The following LRPPRC variants were observed in gnomAD, a reference collection of about 807,000 sequenced individuals.
LRPPRC encodes leucine-rich PPR motif-containing protein, mitochondrial.
Under a neutral mutation model 180.3 loss-of-function variants are expected in LRPPRC, and 120 were observed. The observed-to-expected ratio is 0.67, with a 90% CI of 0.57 to 0.77. The LOEUF is 0.77. Ranked by LOEUF, LRPPRC falls within the 30% of genes least tolerant of loss-of-function variation. The pLI, the probability that LRPPRC is intolerant of heterozygous loss-of-function variation, is 0.00. For missense variants in LRPPRC, 2,012 were observed against 1,657.2 expected, an observed-to-expected ratio of 1.21 and a Z score of -3.72; for synonymous variants, 723 against 600.0, an observed-to-expected ratio of 1.21 and a Z score of -3.00.
At chr2:43,890,198 T>G (rs375317427) in intron 36 of LRPPRC, 30 of 408,872 alleles carry the variant, frequency 7.3e-5, no homozygotes, top group Admixed American at 5.8e-4. Context: ...CAAACTGAAG[T>G]CCTCAGTTAT....
At chr2:43,897,501 T>G (rs1251887841) in intron 34 of LRPPRC, among the ~76,000 whole-genome samples, 1 of 152,216 alleles carries the variant, frequency 6.6e-6, no homozygotes, top group Non-Finnish European at 1.5e-5. Flanking sequence ...ACAGAACATT[T>G]ACATTACGCA....
At chr2:43,946,384 C>G (rs1572953568) in intron 20 of LRPPRC, 141 bp from the exon 21 acceptor site, 3 of 677,582 alleles carry the variant, frequency 4.4e-6, no homozygotes, top group Admixed American at 2.2e-5. Context: ...CCTGACTCTG[C>G]CCCTTGATAT....
chr2:43,969,818 GA>G (rs1401189981), intron 11 of LRPPRC, among the ~76,000 whole-genome samples: 1 of 151,998 alleles, frequency 6.6e-6, no homozygotes, highest in African/African-American at 2.4e-5. Context: ...AAGCAGCTAG[GA>G]GTATGCCACC....
intron 27 of LRPPRC, among the ~76,000 whole-genome samples, chr2:43,923,093 G>T (rs1300643554): frequency 2.8e-5 from 4 of 142,032 alleles, no homozygotes; most frequent in Non-Finnish European, 4.5e-5. Flanking sequence ...TTAAGGACAA[G>T]AAAATAGTAT....
rs559382465 is a variant in LRPPRC, at chr2:43,980,119, G to C, written c.347-171C>G. ...AATGTACAGTGTTACTAAGTTACAAGTCAAACTTTAAATATTAGTCTGCTT... is the reference window on the plus strand; with the variant it reads ...AATGTACAGTGTTACTAAGTTACAACTCAAACTTTAAATATTAGTCTGCTT... On this transcript the variant is annotated intron_variant, in intron 2 of 37. Coordinates refer to ENST00000260665, the MANE Select transcript of LRPPRC (RefSeq NM_133259.4). 4.6e-5 allele frequency among the ~76,000 whole-genome samples: 7 copies of C among 152,248 alleles called. No individual in the cohort carries two copies. The South Asian group carries it at 1.5e-3, about 32-fold the overall frequency.
intron 11 of LRPPRC, among the ~76,000 whole-genome samples, chr2:43,973,402 T>C (rs916595247): frequency 1.3e-5 from 2 of 152,184 alleles, no homozygotes; most frequent in Non-Finnish European, 2.9e-5. Context: ...GAAATGAAAT[T>C]AATGAAATTC....
rs1188493361 is a variant in LRPPRC, at chr2:43,922,995, A to G, written c.2896+2072T>C. ...CTTCCAGCCTCCTAAGAAGCTAACC[A>G]CACTCTGCCAACCTCCTCAAACTAT... On this transcript the variant is annotated intron_variant, in intron 27 of 37. Transcript: ENST00000260665. 2.0e-5 allele frequency among the ~76,000 whole-genome samples: 3 copies of G among 152,094 alleles called. No homozygotes were observed. In the East Asian group the frequency reaches 5.8e-4, roughly 29 times the overall value.
At chr2:43,984,553 G>A (rs1674445260) in intron 1 of LRPPRC, among the ~76,000 whole-genome samples, 2 of 152,164 alleles carry the variant, frequency 1.3e-5, no homozygotes, top group Non-Finnish European at 2.9e-5. Flanking sequence ...AATAAATTGG[G>A]ATAGAGGAAG....
At chr2:43,915,576 TGA>T (rs954846711) in intron 29 of LRPPRC, among the ~76,000 whole-genome samples, 15 of 151,964 alleles carry the variant, frequency 9.9e-5, no homozygotes, top group African/African-American at 3.6e-4. Flanking sequence ...CCCAGCTACT[TGA>T]GAGGCTGAGA....
chr2:43,980,046 C>T, intron 2 of LRPPRC, 98 bp from the exon 3 acceptor site: 1 of 1,211,488 alleles, frequency 8.3e-7, no homozygotes, highest in Non-Finnish European at 1.2e-6. Flanking sequence ...ATTCAAAAAT[C>T]TTCTGGCTCA....
intron 14 of LRPPRC, among the ~76,000 whole-genome samples, chr2:43,956,478 CGTGTGTGTGTGTGTGTGTGTGTGT>C (rs56919652): frequency 3.5e-5 from 5 of 142,490 alleles, no homozygotes; most frequent in African/African-American, 1.3e-4. Flanking sequence ...AAGAAAAAAA[CGTGTGTGTGTGTGTGTGTGTGTGT>C]GTGTGTGTGT....
At chr2:43,928,472 C>T (rs2105047691) in intron 25 of LRPPRC, among the ~76,000 whole-genome samples, 1 of 152,236 alleles carries the variant, frequency 6.6e-6, no homozygotes, top group South Asian at 2.1e-4. Flanking sequence ...TTTCTTGCCA[C>T]TTCTGCTGGA....
At chr2:43,904,952 T>C (rs4550712) in intron 31 of LRPPRC, among the ~76,000 whole-genome samples, 21,548 of 152,078 alleles carry the variant, frequency 0.14, 2,224 homozygotes, top group East Asian at 0.48. Context: ...AGATTCGTCA[T>C]AGTGCCCCTT....
At chr2:43,978,832 ATTC>A (rs1674173760) in intron 3 of LRPPRC, among the ~76,000 whole-genome samples, 1 of 151,940 alleles carries the variant, frequency 6.6e-6, no homozygotes, top group Admixed American at 6.6e-5. Flanking sequence ...ACTTTCTTGG[ATTC>A]TTTTCTCTAT....
chr2:43,893,713 TC>T (rs1448593627), intron 36 of LRPPRC, among the ~76,000 whole-genome samples: 2 of 152,232 alleles, frequency 1.3e-5, no homozygotes, highest in Non-Finnish European at 2.9e-5. Context: ...AACCATATCT[TC>T]CAGGTATGCC....
In LRPPRC at chr2:43,894,607, AAC is replaced by A; in HGVS notation, c.3921_3922del (p.Leu1308ArgfsTer5). The A allele has an allele frequency of 6.3e-7, 1 of 1,578,956 alleles. No individual in the cohort carries two copies. Among genetic ancestry groups the A allele is most frequent in the Non-Finnish European group, 8.7e-7 (1 of 1,148,278 alleles). ...TTCATTTAATTCAGGAATCAATTCT[AAC>A]ACAGATTTCACAGTTGATGCCTAGG... On this transcript the variant is annotated frameshift_variant, in exon 36 of 38. Coordinates refer to ENST00000260665, the MANE Select transcript of LRPPRC (RefSeq NM_133259.4). LOFTEE classifies it high-confidence loss of function.
intron 31 of LRPPRC, 166 bp from the exon 32 acceptor site, chr2:43,901,690 C>G: frequency 1.6e-6 from 1 of 617,464 alleles, no homozygotes; most frequent in Non-Finnish European, 2.9e-6. Flanking sequence ...GAGATACCCC[C>G]AAAAATTATT....
intron 11 of LRPPRC, among the ~76,000 whole-genome samples, chr2:43,969,065 C>T (rs149078132): frequency 2.0e-5 from 3 of 152,306 alleles, no homozygotes; most frequent in African/African-American, 7.2e-5. Flanking sequence ...AATGAATCTT[C>T]TAACAAAAGT....
At position 43,974,138 on chromosome 2, in the gene LRPPRC, T is replaced by C. The variant is rs1432369767; in HGVS notation, c.1155+12A>G. On this transcript the variant is annotated intron_variant, in intron 9 of 37. Coordinates refer to ENST00000260665, the MANE Select transcript of LRPPRC (RefSeq NM_133259.4). Reference sequence around the variant, plus strand: ...AATTACATTGTCTACAAAGTAAAAGTGGACAGAATACCGTATTCATAGTCA... The same window carrying C: ...AATTACATTGTCTACAAAGTAAAAGCGGACAGAATACCGTATTCATAGTCA... The C allele has an allele frequency of 1.2e-6, 2 of 1,611,764 alleles. No individual in the cohort carries two copies. Among genetic ancestry groups the C allele is most frequent in the Non-Finnish European group, 1.7e-6 (2 of 1,177,944 alleles).
Sources: gnomAD v4.1 joint callset for allele counts (sites outside exome capture counted in the v4.1 genomes callset) on GRCh38, gnomAD v4.1.1 for gene constraint, MANE v1.5 for transcripts, NCBI Gene and HGNC (gene_info 2026-07-23, HGNC 2026-07-21) for gene names.